PPP3CA: variants seen among roughly 807,000 people sequenced by gnomAD.
PPP3CA encodes the protein CAM-PRP catalytic subunit.
Under a neutral mutation model 66.5 loss-of-function variants are expected in PPP3CA, and 14 were observed. The ratio of observed to expected loss-of-function variants is 0.21; its 90% CI spans 0.14 to 0.33. The LOEUF (loss-of-function observed/expected upper bound fraction) is 0.33. Among genes scored for constraint, PPP3CA ranks in the 10% least tolerant of loss-of-function variants. The pLI is 1.00. For synonymous variants in PPP3CA, 232 were observed against 226.2 expected (o/e 1.03, Z -0.23); for missense variants, 317 against 639.5 (o/e 0.50, Z 5.44).
chr4:101,125,139 A>C (rs1722206945), intron 2 of PPP3CA, among the ~76,000 whole-genome samples: 1 of 152,222 alleles, frequency 6.6e-6, no homozygotes, highest in African/African-American at 2.4e-5. Context: ...TAGAAACTTA[A>C]GCCACTTGCA....
At chr4:101,220,389 A>G (rs1171103763) in intron 1 of PPP3CA, among the ~76,000 whole-genome samples, 1 of 151,558 alleles carries the variant, frequency 6.6e-6, no homozygotes, top group Admixed American at 6.6e-5. Context: ...TTTTACCAAA[A>G]CCATTTTTAG....
At chr4:101,196,862 T>C (rs1724810866) in intron 1 of PPP3CA, among the ~76,000 whole-genome samples, 1 of 152,238 alleles carries the variant, frequency 6.6e-6, no homozygotes, top group Admixed American at 6.5e-5. Context: ...AGCTCTCTTG[T>C]AGCTAATGCC....
chr4:101,025,631 T>G lies in PPP3CA; in HGVS notation c.*234A>C, dbSNP rs1468150719. ...AATTTTTTTTCTCTATAAGCATTTT[T>G]AAAAGGCATACCCAAAAGAGGTGTT... On this transcript the variant is annotated 3_prime_UTR_variant, in exon 14 of 14. Transcript: ENST00000394854. The G allele has an allele frequency of 7.5e-6, 3 of 399,990 alleles. No individual in the cohort carries two copies. Among genetic ancestry groups the G allele is most frequent in the Non-Finnish European group, 1.3e-5 (3 of 226,330 alleles). The allele number at this position is 399,990 out of a possible 1,614,324, so 24.8% of individuals were successfully genotyped here. A position where few individuals can be genotyped will look rare whatever the true frequency, so the allele number is the denominator to read the frequency against.
intron 1 of PPP3CA, among the ~76,000 whole-genome samples, chr4:101,253,380 T>A (rs922439977): frequency 2.6e-5 from 4 of 152,074 alleles, no homozygotes; most frequent in African/African-American, 9.7e-5. Flanking sequence ...AGAAAATTAA[T>A]CAAAGATTAA....
At chr4:101,230,472 T>C (rs1371867947) in intron 1 of PPP3CA, among the ~76,000 whole-genome samples, 1 of 151,642 alleles carries the variant, frequency 6.6e-6, no homozygotes, top group African/African-American at 2.4e-5. Context: ...CGAGCCATGA[T>C]AACACCACCG....
intron 11 of PPP3CA, among the ~76,000 whole-genome samples, chr4:101,036,473 G>T (rs919742786): frequency 6.6e-6 from 1 of 151,592 alleles, no homozygotes; most frequent in East Asian, 1.9e-4. Flanking sequence ...GTGCAGTGGC[G>T]CAATCTCGGC....
At chr4:101,275,979 A>G (rs28698954) in intron 1 of PPP3CA, among the ~76,000 whole-genome samples, 98,756 of 151,256 alleles carry the variant, frequency 0.65, 33,321 homozygotes, top group Non-Finnish European at 0.75. Flanking sequence ...ACTGCAGCCT[A>G]GAACTCGAGA....
Position 101,333,270 on chromosome 4 carries a change from G to GTTTTTTTTTTTTTTTTTTT in PPP3CA, c.58+13450_58+13468dup, listed in dbSNP as rs70961788. Among the ~76,000 whole-genome samples the GTTTTTTTTTTTTTTTTTTT allele has an allele frequency of 8.5e-5, 4 of 47,242 alleles. 1 individual carries two copies. Among genetic ancestry groups the GTTTTTTTTTTTTTTTTTTT allele is most frequent in the Admixed American group, 4.1e-4 (2 of 4,934 alleles). 31.0% of individuals were successfully genotyped at this position (47,242 alleles called of 152,430 possible). ...CTACAGGCATGCACTACCATGCCCA[G>GTTTTTTTTTTTTTTTTTTT]TTTTTTTTTTTTTTTTTTTTTTTTT... On this transcript the variant is annotated intron_variant, in intron 1 of 13. Coordinates refer to ENST00000394854, the MANE Select transcript of PPP3CA (RefSeq NM_000944.5).
At chr4:101,255,035 C>CAAAAAAAAA (rs1163406764) in intron 1 of PPP3CA, among the ~76,000 whole-genome samples, 1 of 44,724 alleles carries the variant, frequency 2.2e-5, no homozygotes, top group Non-Finnish European at 5.0e-5. Flanking sequence ...AGTCCCGTCT[C>CAAAAAAAAA]AAAAAAAAAA....
intron 6 of PPP3CA, 51 bp downstream of exon 6, chr4:101,093,725 C>A: frequency 6.7e-7 from 1 of 1,494,812 alleles, no homozygotes; most frequent in Admixed American, 2.1e-5. Flanking sequence ...ACTGATAAAT[C>A]CTAGCATTAT....
intron 1 of PPP3CA, among the ~76,000 whole-genome samples, chr4:101,305,608 A>C (rs1405583599): frequency 1.3e-5 from 2 of 152,222 alleles, no homozygotes; most frequent in Non-Finnish European, 2.9e-5. Context: ...ACAAATATGG[A>C]GGAAAAATGA....
chr4:101,243,418 T>C (rs13151505), intron 1 of PPP3CA, among the ~76,000 whole-genome samples: 102,974 of 151,980 alleles, frequency 0.68, 35,758 homozygotes, highest in Middle Eastern at 0.76. Flanking sequence ...TACAGTTGAC[T>C]CTCCATATCT....
At chr4:101,178,326 G>A (rs1724128862) in intron 2 of PPP3CA, among the ~76,000 whole-genome samples, 1 of 152,108 alleles carries the variant, frequency 6.6e-6, no homozygotes, top group Non-Finnish European at 1.5e-5. Flanking sequence ...CAAATATTCA[G>A]ATTTTATTTG....
chr4:101,038,761 G>A (rs1578394716), intron 11 of PPP3CA, among the ~76,000 whole-genome samples: 1 of 152,092 alleles, frequency 6.6e-6, no homozygotes, highest in Non-Finnish European at 1.5e-5. Context: ...TACAGTTAAT[G>A]CTCAATCATT....
At chr4:101,216,488 G>C (rs367605995) in intron 1 of PPP3CA, among the ~76,000 whole-genome samples, 6 of 152,144 alleles carry the variant, frequency 3.9e-5, no homozygotes, top group African/African-American at 1.4e-4. Context: ...CCACTTTGTA[G>C]AACTGCTCAA....
At chr4:101,334,327 T>A (rs1304086991) in intron 1 of PPP3CA, among the ~76,000 whole-genome samples, 1 of 152,022 alleles carries the variant, frequency 6.6e-6, no homozygotes, top group Non-Finnish European at 1.5e-5. Flanking sequence ...TGGAAATGAT[T>A]TTTTGCCATG....
Position 101,032,289 on chromosome 4 carries a change from T to G in PPP3CA, c.1317A>C (p.Gly439=). ...TACCGCTTTGCAGGGTTTGCTTCCC[T>G]CCAGAAAGTACTCCGCTGGGGAGCA... ...TGMLPSGVLS[G]GKQTLQSATV... is the part of the protein sequence containing the mutation. The change falls in exon 12 of 14, where the codon GGA becomes GGC. Residue 439 remains glycine, a synonymous_variant. Transcript: ENST00000394854. 6.2e-7 allele frequency: 1 copy of G among 1,607,464 alleles called. No individual in the cohort carries two copies. The highest frequency in any genetic ancestry group is 8.5e-7 in the Non-Finnish European group (1 of 1,177,196).
In PPP3CA at chr4:101,213,182, T is replaced by A. The variant is rs548948330; in HGVS notation, c.59-17066A>T. Among the ~76,000 whole-genome samples, 12 of 152,284 alleles carry A rather than the reference T, an allele frequency of 7.9e-5. No individual in the cohort carries two copies. In the East Asian group the frequency reaches 2.1e-3, roughly 27 times the overall value. On this transcript the variant is annotated intron_variant, in intron 1 of 13. Transcript: ENST00000394854. ...AAAGTCATAAATATGATAGTTTTTT[T>A]AAGGAAAGGACATACTATACTTGTT...
At chr4:101,164,898 G>A (rs1215831693) in intron 2 of PPP3CA, among the ~76,000 whole-genome samples, 2 of 151,654 alleles carry the variant, frequency 1.3e-5, no homozygotes, top group Admixed American at 1.3e-4. Flanking sequence ...AGAGATAAAG[G>A]GCTGCCAATG....
Sources: gnomAD v4.1 joint callset for allele counts (sites outside exome capture counted in the v4.1 genomes callset) on GRCh38, gnomAD v4.1.1 for gene constraint, MANE v1.5 for transcripts, NCBI Gene and HGNC (gene_info 2026-07-23, HGNC 2026-07-21) for gene names.